Variants in ZNF568 observed in about 807,000 individuals in gnomAD.
The protein encoded by ZNF568 is zinc finger protein 568.
Under a neutral mutation model 18.1 loss-of-function variants are expected in ZNF568, and 11 were observed. That is an observed-to-expected ratio of 0.61 (90% CI 0.38 to 1.00). ZNF568 has a LOEUF of 1.00. ZNF568 is among the 50% of genes least tolerant of loss of function. The pLI is 0.01. For synonymous variants in ZNF568, 213 were observed against 246.6 expected (o/e 0.86, Z 1.28); for missense variants, 639 against 768.2 (o/e 0.83, Z 1.99).
downstream of ZNF568, among the ~76,000 whole-genome samples, chr19:36,983,702 C>T (rs1667346): frequency 0.53 from 80,994 of 151,658 alleles, 22,138 homozygotes; most frequent in African/African-American, 0.62. Context: ...GATTAGGGTT[C>T]GTCTATTAGA....
chr19:36,981,402 T>G (rs2074330244), downstream of ZNF568, among the ~76,000 whole-genome samples: 1 of 152,182 alleles, frequency 6.6e-6, no homozygotes, highest in Non-Finnish European at 1.5e-5. Flanking sequence ...CTTCGATCAA[T>G]TTGGGGAAAG....
chr19:36,926,032 G>A (rs565555660), intron 4 of ZNF568, among the ~76,000 whole-genome samples: 1 of 152,224 alleles, frequency 6.6e-6, no homozygotes, highest in East Asian at 1.9e-4. Context: ...CAAATTACCT[G>A]GAAGAGTAAG....
At chr19:36,921,473 G>A (rs1600762216) in intron 2 of ZNF568, among the ~76,000 whole-genome samples, 1 of 151,006 alleles carries the variant, frequency 6.6e-6, no homozygotes, top group Admixed American at 6.6e-5. Context: ...AAAAAAAAAA[G>A]AAAGAAAGTG....
intron 4 of ZNF568, among the ~76,000 whole-genome samples, chr19:36,932,995 GATGTCCTTAGAAGCACAAAA>G (rs1351443464): frequency 6.6e-6 from 1 of 152,116 alleles, no homozygotes; most frequent in Non-Finnish European, 1.5e-5. Flanking sequence ...CTTTCTTGAT[GATGTCCTTAGAAGCACAAAA>G]ATTTTTAGTT....
chr19:36,942,620 A>AT (rs34585776), intron 6 of ZNF568, among the ~76,000 whole-genome samples: 1 of 150,184 alleles, frequency 6.7e-6, no homozygotes, highest in African/African-American at 2.4e-5. Flanking sequence ...AAAAAAAAGA[A>AT]GAATAGAGAG....
intron 6 of ZNF568, among the ~76,000 whole-genome samples, chr19:36,964,601 C>G (rs1468697292): frequency 6.6e-6 from 1 of 152,044 alleles, no homozygotes; most frequent in Non-Finnish European, 1.5e-5. Flanking sequence ...TAGCTTGAGC[C>G]CAGGAGTTCG....
chr19:36,987,024 G>T (rs757572945), intron 2 of ZNF568, among the ~76,000 whole-genome samples: 2 of 152,176 alleles, frequency 1.3e-5, no homozygotes, highest in Non-Finnish European at 2.9e-5. Context: ...TTGAGTAAAT[G>T]ACTTCTCTTC....
At chr19:36,961,290 TTA>T (rs1405115834) in intron 6 of ZNF568, among the ~76,000 whole-genome samples, 103 of 97,932 alleles carry the variant, frequency 1.1e-3, no homozygotes, top group African/African-American at 4.1e-3. Context: ...TTTTTTTTTT[TTA>T]ACTCTTTTTG....
intron 2 of ZNF568, among the ~76,000 whole-genome samples, chr19:36,989,195 T>C (rs1249770201): frequency 1.3e-5 from 2 of 152,182 alleles, no homozygotes; most frequent in Non-Finnish European, 2.9e-5. Flanking sequence ...TATTGATTGA[T>C]TGATTGAGAC....
At chr19:36,962,229 A>G (rs1410370938) in intron 6 of ZNF568, among the ~76,000 whole-genome samples, 1 of 119,292 alleles carries the variant, frequency 8.4e-6, no homozygotes, top group East Asian at 3.1e-4. Flanking sequence ...TTGCTTTACC[A>G]GTGAGTTTTA....
In ZNF568 at chr19:36,976,994, T is replaced by A. The variant is rs556333885; in HGVS notation, c.406-2010T>A. Among the ~76,000 whole-genome samples, 5 of 152,366 alleles carry A rather than the reference T, an allele frequency of 3.3e-5. No homozygotes were observed. The South Asian group carries it at 6.2e-4, about 19-fold the overall frequency. Reference sequence around the variant, plus strand: ...CCACTTGTCAAAGAATGCTATTTTTTAATTTATTTTAAACAACATTTCATA... The same window carrying A: ...CCACTTGTCAAAGAATGCTATTTTTAAATTTATTTTAAACAACATTTCATA... On this transcript the variant is annotated intron_variant, in intron 7 of 7. Transcript: ENST00000427117.
intron 3 of ZNF568, 97 bp from the exon 4 acceptor site, chr19:36,925,103 C>A: frequency 1.0e-6 from 1 of 994,688 alleles, no homozygotes; most frequent in Non-Finnish European, 1.6e-6. Flanking sequence ...AAGGATCATT[C>A]ATCTGTAGAG....
At chr19:36,969,116 A>G (rs374905275) in intron 6 of ZNF568, among the ~76,000 whole-genome samples, 1 of 152,222 alleles carries the variant, frequency 6.6e-6, no homozygotes, top group East Asian at 1.9e-4. Flanking sequence ...CAGCCTCCCA[A>G]AGTGCTGGGA....
intron 6 of ZNF568, among the ~76,000 whole-genome samples, chr19:36,945,212 TGTGTG>T (rs974876107): frequency 2.4e-4 from 12 of 49,276 alleles, no homozygotes; most frequent in South Asian, 1.6e-3. Flanking sequence ...GAGAGAGAAG[TGTGTG>T]TGTGTGTGTG....
At chr19:36,917,486 G>T (rs745361903) in intron 1 of ZNF568, 93 bp from the exon 2 acceptor site, 1 of 152,164 alleles carries the variant, frequency 6.6e-6, no homozygotes, top group Non-Finnish European at 1.5e-5. Context: ...CTTTTAGTCC[G>T]GGTTCTCTTT....
intron 2 of ZNF568, among the ~76,000 whole-genome samples, chr19:36,987,144 A>ATGCAGTG (rs1301825923): frequency 2.0e-5 from 3 of 152,208 alleles, no homozygotes; most frequent in Admixed American, 1.3e-4. Context: ...TGTCCTTGAG[A>ATGCAGTG]TGCAGTGTGC....
chr19:36,977,011 C>CA (rs2074291360), intron 7 of ZNF568, among the ~76,000 whole-genome samples: 1 of 152,214 alleles, frequency 6.6e-6, no homozygotes. Flanking sequence ...TTTTAAACAA[C>CA]ATTTCATATG....
At chr19:36,962,637 A>T (rs2074164360) in intron 6 of ZNF568, among the ~76,000 whole-genome samples, 1 of 152,088 alleles carries the variant, frequency 6.6e-6, no homozygotes. Flanking sequence ...CACCACACCC[A>T]GCCTTCAGCT....
chr19:36,958,867 C>T (rs1002317368), intron 6 of ZNF568, among the ~76,000 whole-genome samples: 3 of 152,072 alleles, frequency 2.0e-5, no homozygotes, highest in Non-Finnish European at 4.4e-5. Context: ...GTGATCGAAC[C>T]TCCTCGGCCT....
Sources: gnomAD v4.1 joint callset for allele counts (sites outside exome capture counted in the v4.1 genomes callset) on GRCh38, gnomAD v4.1.1 for gene constraint, MANE v1.5 for transcripts, NCBI Gene and HGNC (gene_info 2026-07-23, HGNC 2026-07-21) for gene names.